The following GDA variants were observed in gnomAD, a reference collection of about 807,000 sequenced individuals.
GDA encodes guanine deaminase.
In GDA, 18 loss-of-function variants were observed where a neutral mutation model predicts 59.6. That is an observed-to-expected ratio of 0.30 (90% CI 0.21 to 0.45). The LOEUF (loss-of-function observed/expected upper bound fraction) is 0.45, where lower values mean the gene tolerates loss of function less well. GDA is among the 20% of genes least tolerant of loss of function. The probability of loss-of-function intolerance (pLI) is 1.00; values close to 1 mark genes in which losing one functional copy is unlikely to be tolerated. For missense variants in GDA, 427 were observed against 552.3 expected (o/e 0.77, Z 2.27); for synonymous variants, 201 against 201.1 (o/e 1.00, Z 0.00).
chr9:72,151,235 G>T (rs1389548062), intron 1 of GDA, among the ~76,000 whole-genome samples: 2 of 152,172 alleles, frequency 1.3e-5, no homozygotes, highest in African/African-American at 4.8e-5. Context: ...TCATACTGAA[G>T]TTATAAATTT....
chr9:72,140,381 C>T (rs1238620337), intron 1 of GDA, among the ~76,000 whole-genome samples: 11 of 151,938 alleles, frequency 7.2e-5, no homozygotes, highest in Non-Finnish European at 1.5e-4. Flanking sequence ...AAGGGAAGAG[C>T]GGGAAAAGAG....
chr9:72,117,102 G>T (rs1347850955), intron 1 of GDA, among the ~76,000 whole-genome samples: 1 of 152,122 alleles, frequency 6.6e-6, no homozygotes, highest in Non-Finnish European at 1.5e-5. Context: ...CAAAGGACAT[G>T]AACTCATCAT....
intron 1 of GDA, among the ~76,000 whole-genome samples, chr9:72,137,336 T>G (rs1204865620): frequency 7.8e-6 from 1 of 128,664 alleles, no homozygotes; most frequent in East Asian, 2.8e-4. Context: ...AAGCTCCACC[T>G]CCCGGGTTCA....
chr9:72,227,835 C>A, intron 8 of GDA, 108 bp from the exon 9 acceptor site: 1 of 653,834 alleles, frequency 1.5e-6, no homozygotes, highest in African/African-American at 1.8e-5. Flanking sequence ...TGTGAAGATG[C>A]TAACAGCCAA....
chr9:72,130,581 C>T (rs1022835498), intron 1 of GDA, among the ~76,000 whole-genome samples: 2 of 152,202 alleles, frequency 1.3e-5, no homozygotes, highest in Non-Finnish European at 2.9e-5. Flanking sequence ...TCCACTTCCA[C>T]ATGTATGTCT....
chr9:72,255,871 T>C (rs1840871352), downstream of GDA, among the ~76,000 whole-genome samples: 1 of 152,210 alleles, frequency 6.6e-6, no homozygotes. Flanking sequence ...GTATTATTTA[T>C]TGTAACTTAT....
intron 3 of GDA, among the ~76,000 whole-genome samples, chr9:72,207,110 A>G (rs182096356): frequency 7.0e-4 from 107 of 152,112 alleles, no homozygotes; most frequent in Non-Finnish European, 1.3e-3. Context: ...TGAAATTGTA[A>G]TTGTTGATCA....
upstream of GDA, among the ~76,000 whole-genome samples, chr9:72,149,028 T>C (rs1826823523): frequency 6.6e-6 from 1 of 152,126 alleles, no homozygotes; most frequent in Non-Finnish European, 1.5e-5. Flanking sequence ...ACCTTCCAGG[T>C]GAGGACCAAT....
Position 72,248,465 on chromosome 9 carries a change from G to A in GDA, c.*123G>A, listed in dbSNP as rs1840378647. 4.0e-6 allele frequency: 6 copies of A among 1,512,256 alleles called. No homozygotes were observed. The highest frequency in any genetic ancestry group is 2.6e-5 in the South Asian group (2 of 76,656). The allele number at this position is 1,512,256 out of a possible 1,614,324, so 93.7% of individuals were successfully genotyped here. On this transcript the variant is annotated 3_prime_UTR_variant, in exon 14 of 14. Transcript: ENST00000358399. The stretch of plus-strand genomic sequence containing the variant: ...TCTTGGGATGACTATCCCTTTCTGT[G>A]TCTAGTTACAGTATTCACTTGACAA...
chr9:72,227,547 A>G (rs1837747620), intron 8 of GDA, among the ~76,000 whole-genome samples: 1 of 151,780 alleles, frequency 6.6e-6, no homozygotes, highest in African/African-American at 2.4e-5. Flanking sequence ...AGCAAGCACA[A>G]CACTACCAGT....
chr9:72,227,882 G>A (rs1837791607), intron 8 of GDA, 61 bp from the exon 9 acceptor site: 5 of 858,914 alleles, frequency 5.8e-6, no homozygotes, highest in Non-Finnish European at 7.9e-6. Flanking sequence ...TACCTTGTGA[G>A]TGAGTACCCA....
At chr9:72,179,572 A>G (rs1830932509) in intron 1 of GDA, among the ~76,000 whole-genome samples, 1 of 152,212 alleles carries the variant, frequency 6.6e-6, no homozygotes, top group African/African-American at 2.4e-5. Flanking sequence ...GAGTTTCTGC[A>G]GTGTTTTCCT....
chr9:72,224,370 G>A (rs1188840829), intron 7 of GDA, among the ~76,000 whole-genome samples: 1 of 152,108 alleles, frequency 6.6e-6, no homozygotes, highest in African/African-American at 2.4e-5. Flanking sequence ...CATTGTCTGA[G>A]TAAAACACGT....
chr9:72,222,447 T>A (rs865926526), intron 6 of GDA, among the ~76,000 whole-genome samples: 2 of 152,222 alleles, frequency 1.3e-5, no homozygotes, highest in Non-Finnish European at 2.9e-5. Flanking sequence ...AAGTTCCTTA[T>A]AGATGCTGGA....
At chr9:72,245,673 G>A (rs554133159) in intron 12 of GDA, among the ~76,000 whole-genome samples, 1 of 152,288 alleles carries the variant, frequency 6.6e-6, no homozygotes, top group Non-Finnish European at 1.5e-5. Context: ...GGGCAGTGAG[G>A]CTTAAGGAAG....
At chr9:72,137,875 G>A (rs2130641259) in intron 1 of GDA, among the ~76,000 whole-genome samples, 1 of 152,262 alleles carries the variant, frequency 6.6e-6, no homozygotes, top group South Asian at 2.1e-4. Context: ...CACGAAGGGT[G>A]GCTCTACAGT....
rs1840650197 is a variant in GDA at position 72,251,259 on chromosome 9, T to C, written c.*2917T>C. On this transcript the variant is annotated 3_prime_UTR_variant, in exon 14 of 14. Coordinates refer to ENST00000358399, the MANE Select transcript of GDA (RefSeq NM_004293.5). ...ACCCTTCAATATCCCCATTGGCAAC[T>C]GCAGCTGAGATCTTAGAGAGGAAAT... 1 of 159,754 alleles carries C rather than the reference T, an allele frequency of 6.3e-6. No individual in the cohort carries two copies. The highest frequency in any genetic ancestry group is 6.2e-5 in the Admixed American group (1 of 16,090). The allele number at this position is 159,754 out of a possible 1,614,324, so 9.9% of individuals were successfully genotyped here. A position where few individuals can be genotyped will look rare whatever the true frequency, so the allele number is the denominator to read the frequency against.
chr9:72,179,081 T>C lies in GDA; in HGVS notation c.124-16419T>C, dbSNP rs967580323. Among the ~76,000 whole-genome samples, 5 of 152,354 alleles carry C rather than the reference T, an allele frequency of 3.3e-5. No homozygotes were observed. In the East Asian group the frequency reaches 9.6e-4, roughly 29 times the overall value. On this transcript the variant is annotated intron_variant, in intron 1 of 13. Transcript: ENST00000358399. ...TTCTCTAAGAGCTCTCCAGCCATACTTCCCTCATCCTATTAATCAACCTTT... is the reference window on the plus strand; with the variant it reads ...TTCTCTAAGAGCTCTCCAGCCATACCTCCCTCATCCTATTAATCAACCTTT...
chr9:72,155,610 G>A (rs1171274316), intron 1 of GDA, among the ~76,000 whole-genome samples: 3 of 152,154 alleles, frequency 2.0e-5, no homozygotes, highest in South Asian at 2.1e-4. Context: ...AGGTAGGCAG[G>A]GCTATGTTAT....
Sources: gnomAD v4.1 joint callset for allele counts (sites outside exome capture counted in the v4.1 genomes callset) on GRCh38, gnomAD v4.1.1 for gene constraint, MANE v1.5 for transcripts, NCBI Gene and HGNC (gene_info 2026-07-23, HGNC 2026-07-21) for gene names.